TFPI: variants seen among roughly 807,000 people sequenced by gnomAD.
TFPI encodes anti-convertin.
In TFPI, 15 loss-of-function variants were observed where a neutral mutation model predicts 34.6. That is an observed-to-expected ratio of 0.43 (90% confidence interval 0.29 to 0.67). The LOEUF (loss-of-function observed/expected upper bound fraction) is 0.67, where lower values mean the gene tolerates loss of function less well. Among genes scored for constraint, TFPI ranks in the 30% least tolerant of loss-of-function variants. The pLI is 0.15. For missense variants in TFPI, 301 were observed against 364.0 expected (o/e 0.83, Z 1.41); for synonymous variants, 105 against 120.1 (o/e 0.87, Z 0.82).
intron 2 of TFPI, among the ~76,000 whole-genome samples, chr2:187,497,597 T>C (rs1273642941): frequency 1.3e-5 from 2 of 152,088 alleles, no homozygotes; most frequent in Admixed American, 6.6e-5. Flanking sequence ...ATGGTGCTTT[T>C]TATTTTAACT....
At chr2:187,540,300 G>A (rs1688508132) in intron 1 of TFPI, among the ~76,000 whole-genome samples, 1 of 151,904 alleles carries the variant, frequency 6.6e-6, no homozygotes, top group Non-Finnish European at 1.5e-5. Context: ...AAAATAAGAT[G>A]GAAAAAACAT....
intron 3 of TFPI, among the ~76,000 whole-genome samples, chr2:187,491,119 C>G (rs911982834): frequency 2.0e-5 from 3 of 151,874 alleles, no homozygotes; most frequent in African/African-American, 7.2e-5. Flanking sequence ...ATTTGAAAAG[C>G]CCTTATTTTA....
At chr2:187,530,216 T>G (rs537619346) in intron 1 of TFPI, among the ~76,000 whole-genome samples, 1 of 152,296 alleles carries the variant, frequency 6.6e-6, no homozygotes, top group Admixed American at 6.5e-5. Context: ...GGTCAATTCT[T>G]GTAACCTGAA....
intron 6 of TFPI, chr2:187,478,906 C>T: frequency 2.3e-6 from 2 of 884,452 alleles, no homozygotes; most frequent in Admixed American, 2.6e-5. Flanking sequence ...CTGTATAGTA[C>T]ATTATGTTTT....
At chr2:187,515,862 C>G (rs1192170107) in intron 1 of TFPI, 2 of 152,096 alleles carry the variant, frequency 1.3e-5, no homozygotes. Flanking sequence ...TATAACCCAT[C>G]CTTTTTCCTA....
At chr2:187,516,781 T>C (rs1206109348) in intron 1 of TFPI, 1 of 152,214 alleles carries the variant, frequency 6.6e-6, no homozygotes, top group African/African-American at 2.4e-5. Context: ...GGTTACGTTA[T>C]CTATAGATTC....
At chr2:187,533,579 G>A (rs763723034) in intron 1 of TFPI, among the ~76,000 whole-genome samples, 4 of 152,160 alleles carry the variant, frequency 2.6e-5, no homozygotes, top group African/African-American at 4.8e-5. Context: ...CATCAAAGAC[G>A]AAAGGTACAT....
chr2:187,467,707 G>T, intron 7 of TFPI, 46 bp downstream of exon 7: 1 of 1,409,164 alleles, frequency 7.1e-7, no homozygotes, highest in East Asian at 2.4e-5. Flanking sequence ...CAATTCAATT[G>T]CTATCTTAAA....
chr2:187,483,872 A>T, intron 6 of TFPI: 1 of 447,044 alleles, frequency 2.2e-6, no homozygotes, highest in Non-Finnish European at 3.9e-6. Flanking sequence ...TAAATATCAT[A>T]TGAAAGTTTT....
intron 3 of TFPI, among the ~76,000 whole-genome samples, chr2:187,490,575 A>G (rs183632847): frequency 1.3e-5 from 2 of 151,392 alleles, no homozygotes; most frequent in South Asian, 2.1e-4. Context: ...ATCTTTTTCT[A>G]TCCTTTCACT....
chr2:187,528,446 G>A (rs1253552600), intron 1 of TFPI, among the ~76,000 whole-genome samples: 1 of 152,128 alleles, frequency 6.6e-6, no homozygotes, highest in African/African-American at 2.4e-5. Context: ...CTTGGCTAAA[G>A]AGTTGAAAAG....
At chr2:187,476,686 C>T (rs560791964) in intron 6 of TFPI, among the ~76,000 whole-genome samples, 1 of 152,066 alleles carries the variant, frequency 6.6e-6, no homozygotes, top group East Asian at 1.9e-4. Context: ...CAAAGATTTT[C>T]CATTACTCAA....
At chr2:187,512,532 AG>A (rs1686718230) in intron 1 of TFPI, among the ~76,000 whole-genome samples, 1 of 151,606 alleles carries the variant, frequency 6.6e-6, no homozygotes, top group Non-Finnish European at 1.5e-5. Context: ...AAAAAAAAAA[AG>A]CCATCTATAC....
At chr2:187,486,146 T>C (rs1202342645) in intron 4 of TFPI, among the ~76,000 whole-genome samples, 4 of 151,728 alleles carry the variant, frequency 2.6e-5, no homozygotes, top group Non-Finnish European at 5.9e-5. Flanking sequence ...ACTTTGTTTC[T>C]TCTGTATTGC....
intron 6 of TFPI, among the ~76,000 whole-genome samples, chr2:187,475,091 A>G (rs2105970116): frequency 6.6e-6 from 1 of 152,234 alleles, no homozygotes; most frequent in African/African-American, 2.4e-5. Flanking sequence ...CTTCTTCCCT[A>G]TTTGACAAAA....
chr2:187,491,215 A>T (rs1388004937), intron 3 of TFPI, among the ~76,000 whole-genome samples: 1 of 151,434 alleles, frequency 6.6e-6, no homozygotes, highest in Non-Finnish European at 1.5e-5. Context: ...TTATTTTCAT[A>T]GATTTAGGGG....
chr2:187,529,853 T>C (rs1559148284), intron 1 of TFPI, among the ~76,000 whole-genome samples: 1 of 152,204 alleles, frequency 6.6e-6, no homozygotes, highest in Non-Finnish European at 1.5e-5. Context: ...TTTGATTCTC[T>C]GTTTCTTGCG....
rs1462616601 is a variant in TFPI at position 187,467,900 on chromosome 2, C to G, written c.661G>C (p.Ala221Pro). Reference sequence around the variant, plus strand: ...TTGGCACGACACAATCCTCTGTCTGCTGGAGTGAGACACCATGAGGGACCG... The same window carrying G: ...TTGGCACGACACAATCCTCTGTCTGGTGGAGTGAGACACCATGAGGGACCG... ...FHGPSWCLTPADRGLCRANEN... is the reference protein window; with the variant it reads ...FHGPSWCLTPPDRGLCRANEN... Residue 221 changes from alanine (A) to proline (P), a missense_variant, in exon 7 of 8, where the codon GCA becomes CCA. Transcript: ENST00000233156. 6.2e-7 allele frequency: 1 copy of G among 1,604,264 alleles called. No individual in the cohort carries two copies. Among genetic ancestry groups the G allele is most frequent in the South Asian group, 1.1e-5 (1 of 89,192 alleles).
At chr2:187,497,300 C>T (rs894342548) in intron 2 of TFPI, among the ~76,000 whole-genome samples, 6 of 151,978 alleles carry the variant, frequency 3.9e-5, no homozygotes, top group Non-Finnish European at 7.4e-5. Flanking sequence ...TTGCTTAAAT[C>T]GTACCAACCG....
Sources: gnomAD v4.1 joint callset for allele counts (sites outside exome capture counted in the v4.1 genomes callset) on GRCh38, gnomAD v4.1.1 for gene constraint, MANE v1.5 for transcripts, NCBI Gene and HGNC (gene_info 2026-07-23, HGNC 2026-07-21) for gene names.